The following TRA2A variants were observed in gnomAD, a reference collection of about 807,000 sequenced individuals.
TRA2A encodes the protein transformer-2 protein homolog alpha.
TRA2A carries 31 observed loss-of-function variants against 45.7 expected under a neutral mutation model. The ratio of observed to expected loss-of-function variants is 0.68; its 90% CI spans 0.51 to 0.92. The LOEUF is 0.92. Among genes scored for constraint, TRA2A ranks in the 40% least tolerant of loss-of-function variants. The probability of loss-of-function intolerance (pLI) is 0.00; values close to 1 mark genes in which losing one functional copy is unlikely to be tolerated. For synonymous variants in TRA2A, 132 were observed against 126.2 expected, an observed-to-expected ratio of 1.05 and a Z score of -0.31; for missense variants, 304 against 367.5, an observed-to-expected ratio of 0.83 and a Z score of 1.41.
At chr7:23,518,902 G>T (rs889096665) in intron 2 of TRA2A, among the ~76,000 whole-genome samples, 32 of 151,934 alleles carry the variant, frequency 2.1e-4, no homozygotes, top group African/African-American at 6.8e-4. Flanking sequence ...GGCCAGGATG[G>T]TCTAGAACTC....
Position 23,505,342 on chromosome 7 carries a change from T to A in TRA2A, c.*217A>T. Reference sequence around the variant, plus strand: ...ATTGGGGTTCTTTTTATACTCAAGATGTTTAACTGTTCAAAATGACAACAA... The same window carrying A: ...ATTGGGGTTCTTTTTATACTCAAGAAGTTTAACTGTTCAAAATGACAACAA... On this transcript the variant is annotated 3_prime_UTR_variant, in exon 8 of 8. Transcript: ENST00000297071. 1 of 420,006 alleles carries A rather than the reference T, an allele frequency of 2.4e-6. No homozygotes were observed. The allele number at this position is 420,006 out of a possible 1,614,324, so 26.0% of individuals were successfully genotyped here.
intron 4 of TRA2A, among the ~76,000 whole-genome samples, chr7:23,507,761 T>A (rs1170552247): frequency 6.6e-6 from 1 of 152,164 alleles, no homozygotes; most frequent in Admixed American, 6.6e-5. Context: ...CTTTCCCAAA[T>A]AATTTTCCAG....
In TRA2A at chr7:23,516,384, C is replaced by G; in HGVS notation, c.315G>C (p.Arg105=). 1 of 1,614,202 alleles carries G rather than the reference C, an allele frequency of 6.2e-7. No homozygotes were observed. Among genetic ancestry groups the G allele is most frequent in the Non-Finnish European group, 8.5e-7 (1 of 1,180,044 alleles). The part of the protein sequence containing the change: ...RSRSHSPMSN[R]RRHTGSRANP... ...GTACCCTGCTGCCAGTATGTCTTCTCCGGTTAGACATTGGAGAATGGCTTC... is the reference window on the plus strand; with the variant it reads ...GTACCCTGCTGCCAGTATGTCTTCTGCGGTTAGACATTGGAGAATGGCTTC... The change falls in exon 3 of 8, where the codon CGG becomes CGC. Residue 105 remains arginine (R), a synonymous_variant. Transcript: ENST00000297071.
intron 1 of TRA2A, among the ~76,000 whole-genome samples, chr7:23,524,682 T>C (rs969217749): frequency 8.4e-6 from 1 of 118,496 alleles, no homozygotes; most frequent in Non-Finnish European, 1.7e-5. Context: ...GTTGTCACTA[T>C]GATTTTAACT....
At position 23,508,689 on chromosome 7, in the gene TRA2A, T is replaced by A. The variant is rs150474312; in HGVS notation, c.526-1154A>T. On this transcript the variant is annotated intron_variant, in intron 4 of 7. Coordinates refer to ENST00000297071, the MANE Select transcript of TRA2A (RefSeq NM_013293.5). Reference sequence around the variant, plus strand: ...TTTTGTATTTTTAGTAGAGATGGGGTTTCACCATGTTGGCCAGGATGGTCT... The same window carrying A: ...TTTTGTATTTTTAGTAGAGATGGGGATTCACCATGTTGGCCAGGATGGTCT... Among the ~76,000 whole-genome samples the A allele has an allele frequency of 3.9e-5, 6 of 152,208 alleles. No homozygotes were observed. In the East Asian group the frequency reaches 1.2e-3, roughly 29 times the overall value.
chr7:23,506,632 A>G (rs1789351056), intron 5 of TRA2A, among the ~76,000 whole-genome samples: 1 of 152,230 alleles, frequency 6.6e-6, no homozygotes. Context: ...ATAAATGAAT[A>G]AAAGGTGTAT....
At chr7:23,511,976 A>G (rs1187131402) in intron 4 of TRA2A, among the ~76,000 whole-genome samples, 4 of 152,212 alleles carry the variant, frequency 2.6e-5, no homozygotes, top group Non-Finnish European at 5.9e-5. Context: ...CATCAGAATT[A>G]TTTTTTAAAA....
At chr7:23,519,094 T>C (rs1224656895) in intron 2 of TRA2A, among the ~76,000 whole-genome samples, 1 of 152,168 alleles carries the variant, frequency 6.6e-6, no homozygotes, top group East Asian at 1.9e-4. Flanking sequence ...TTTCTTTGCC[T>C]GTAAGACTAA....
intron 4 of TRA2A, among the ~76,000 whole-genome samples, chr7:23,510,709 T>A (rs533424643): frequency 6.6e-6 from 1 of 152,226 alleles, no homozygotes; most frequent in African/African-American, 2.4e-5. Context: ...AAAATATTAA[T>A]AATAAAAAAA....
chr7:23,531,965 G>T lies in TRA2A; in HGVS notation c.-141C>A. 1 of 857,514 alleles carries T rather than the reference G, an allele frequency of 1.2e-6. No homozygotes were observed. The highest frequency in any genetic ancestry group is 1.8e-6 in the Non-Finnish European group (1 of 553,350). The allele number at this position is 857,514 out of a possible 1,614,324, so 53.1% of individuals were successfully genotyped here. A position where few individuals can be genotyped will look rare whatever the true frequency, so the allele number is the denominator to read the frequency against. On this transcript the variant is annotated 5_prime_UTR_variant, in exon 1 of 8. Coordinates refer to ENST00000297071, the MANE Select transcript of TRA2A (RefSeq NM_013293.5). ...CGCTCCACTCCACTCCCACTCGGTC[G>T]CAGGCTCCAGCAAAATGGCGCCGGC...
At chr7:23,510,156 G>A (rs1464892221) in intron 4 of TRA2A, among the ~76,000 whole-genome samples, 1 of 152,192 alleles carries the variant, frequency 6.6e-6, no homozygotes, top group Non-Finnish European at 1.5e-5. Flanking sequence ...CAACATGCCT[G>A]TGTTAGCTGA....
Position 23,506,212 on chromosome 7 carries a change from T to TCTGCCA in TRA2A, c.690_695dup (p.Gly231_Arg232insSerGly), listed in dbSNP as rs771996334. The TCTGCCA allele has an allele frequency of 3.1e-6, 5 of 1,613,538 alleles. No homozygotes were observed. In the East Asian group the frequency reaches 1.1e-4, roughly 36 times the overall value. On this transcript the variant is annotated inframe_insertion, in exon 6 of 8. Coordinates refer to ENST00000297071, the MANE Select transcript of TRA2A (RefSeq NM_013293.5). Reference sequence around the variant, plus strand: ...CTCTATCATAGTAAGAATCTCGACGTCTGCCACCACCTCCACCTCCACCGC... The same window carrying TCTGCCA: ...CTCTATCATAGTAAGAATCTCGACGTCTGCCACTGCCACCACCTCCACCTCCACCGC...
chr7:23,507,712 C>T (rs1295491356), intron 4 of TRA2A, among the ~76,000 whole-genome samples, 177 bp from the exon 5 acceptor site: 1 of 152,206 alleles, frequency 6.6e-6, no homozygotes, highest in East Asian at 1.9e-4. Context: ...ATGTCCAGAA[C>T]ACATTTAAAT....
rs1261335480 is a variant in TRA2A, at chr7:23,506,039, T to G, written c.770+99A>C. 2.7e-6 allele frequency: 3 copies of G among 1,113,090 alleles called. No individual in the cohort carries two copies. The African/African-American group carries it at 4.7e-5, about 17-fold the overall frequency. 69.0% of individuals were successfully genotyped at this position (1,113,090 alleles called of 1,614,324 possible). ...CCAAAGGCGTCATATATGATCTATTTTAAAAATCAAGTTTTTATTCATATG... is the reference window on the plus strand; with the variant it reads ...CCAAAGGCGTCATATATGATCTATTGTAAAAATCAAGTTTTTATTCATATG... On this transcript the variant is annotated intron_variant, in intron 6 of 7. Coordinates refer to ENST00000297071, the MANE Select transcript of TRA2A (RefSeq NM_013293.5).
intron 1 of TRA2A, among the ~76,000 whole-genome samples, chr7:23,526,976 C>A (rs1474899369): frequency 6.6e-6 from 1 of 152,066 alleles, no homozygotes; most frequent in Non-Finnish European, 1.5e-5. Flanking sequence ...AATTTATAAT[C>A]TTTTGTACAA....
chr7:23,513,719 A>C (rs1308988439), intron 3 of TRA2A, among the ~76,000 whole-genome samples: 1 of 152,180 alleles, frequency 6.6e-6, no homozygotes, highest in Non-Finnish European at 1.5e-5. Context: ...CAGTTTTGTC[A>C]CAAGAGTACA....
At chr7:23,528,809 A>G (rs1790446750) in intron 1 of TRA2A, among the ~76,000 whole-genome samples, 1 of 152,066 alleles carries the variant, frequency 6.6e-6, no homozygotes, top group Non-Finnish European at 1.5e-5. Flanking sequence ...CTAGGATTAC[A>G]GGCATGTGCC....
rs777556731 is a variant in TRA2A, at chr7:23,505,500, TAAAAAAAAAAA to T, written c.*48_*58del. 5 of 351,732 alleles carry T rather than the reference TAAAAAAAAAAA, an allele frequency of 1.4e-5. No homozygotes were observed. In the African/African-American group the frequency reaches 1.6e-4, roughly 11 times the overall value. 21.8% of individuals were successfully genotyped at this position (351,732 alleles called of 1,614,324 possible). On this transcript the variant is annotated 3_prime_UTR_variant, in exon 8 of 8. Coordinates refer to ENST00000297071, the MANE Select transcript of TRA2A (RefSeq NM_013293.5). ...CCACAGCTTGGGGAAATCTCAGAATTAAAAAAAAAAAAAAAAAAAAGAGGAAAAAAAATGTC... is the reference window on the plus strand; with the variant it reads ...CCACAGCTTGGGGAAATCTCAGAATTAAAAAAAAAGAGGAAAAAAAATGTC...
intron 4 of TRA2A, among the ~76,000 whole-genome samples, chr7:23,512,416 C>T (rs1789664557): frequency 1.3e-5 from 2 of 151,878 alleles, no homozygotes; most frequent in African/African-American, 2.4e-5. Context: ...CCCAGGAGGT[C>T]GAGGCTGCAC....
Sources: gnomAD v4.1 joint callset for allele counts (sites outside exome capture counted in the v4.1 genomes callset) on GRCh38, gnomAD v4.1.1 for gene constraint, MANE v1.5 for transcripts, NCBI Gene and HGNC (gene_info 2026-07-23, HGNC 2026-07-21) for gene names.